AGPAT3: variants seen among roughly 807,000 people sequenced by gnomAD.
The protein encoded by AGPAT3 is 1-acylglycerol-3-phosphate O-acyltransferase 3.
In AGPAT3, 5 loss-of-function variants were observed where a neutral mutation model predicts 47.3. The observed-to-expected ratio is 0.11, with a 90% CI of 0.06 to 0.22. The LOEUF is 0.22. Among genes scored for constraint, AGPAT3 ranks in the 10% least tolerant of loss-of-function variants. The pLI is 1.00. For missense variants in AGPAT3, 315 were observed against 493.0 expected, an observed-to-expected ratio of 0.64 and a Z score of 3.42; for synonymous variants, 212 against 208.3, an observed-to-expected ratio of 1.02 and a Z score of -0.15.
At chr21:43,951,096 G>A (rs868078183) in intron 2 of AGPAT3, among the ~76,000 whole-genome samples, 4 of 152,188 alleles carry the variant, frequency 2.6e-5, no homozygotes, top group Non-Finnish European at 5.9e-5. Context: ...CCAAGAGCCC[G>A]GGGCTCACCG....
intron 2 of AGPAT3, among the ~76,000 whole-genome samples, chr21:43,957,044 G>A (rs1457293171): frequency 2.0e-5 from 3 of 152,166 alleles, no homozygotes; most frequent in Non-Finnish European, 4.4e-5. Flanking sequence ...TTGTCCCCAC[G>A]GTTTCTGGGG....
At chr21:43,943,651 G>C (rs1190748283) in intron 2 of AGPAT3, among the ~76,000 whole-genome samples, 1 of 152,120 alleles carries the variant, frequency 6.6e-6, no homozygotes, top group African/African-American at 2.4e-5. Flanking sequence ...GGTTCCCTGC[G>C]CCTGGCCTGC....
In AGPAT3 at chr21:43,920,281, T is replaced by C. The variant is rs2086863146; in HGVS notation, c.-49+16262T>C. 6.6e-6 allele frequency among the ~76,000 whole-genome samples: 1 copy of C among 151,954 alleles called. No individual in the cohort carries two copies. Among genetic ancestry groups the C allele is most frequent in the Admixed American group, 6.6e-5 (1 of 15,248 alleles). ...TGTGTGTAAAGCGTGAATGTGTCAG[T>C]GTGAGAGTGTGTGTGTGCGTGTGAG... is the stretch of plus-strand genomic sequence containing the variant. On this transcript the variant is annotated intron_variant, in intron 2 of 9. Transcript: ENST00000291572. The surrounding 1 kb of genome is among the most constrained non-coding windows in gnomAD (Gnocchi z 6.1).
rs2089343793 is a variant in AGPAT3, at chr21:43,970,382, G to T, written c.511-271G>T. ...GTTTTCACACTGCTCAGAGGCTGCT[G>T]CCCCAACACACCTTCATGTTTCACT... is the stretch of plus-strand genomic sequence containing the variant. On this transcript the variant is annotated intron_variant, in intron 5 of 9. Transcript: ENST00000291572. The surrounding 1 kb of genome is among the most constrained non-coding windows in gnomAD (Gnocchi z 5.8). Among the ~76,000 whole-genome samples the T allele has an allele frequency of 6.6e-6, 1 of 152,216 alleles. No homozygotes were observed. The highest frequency in any genetic ancestry group is 2.4e-5 in the African/African-American group (1 of 41,464).
intron 7 of AGPAT3, among the ~76,000 whole-genome samples, chr21:43,973,296 C>T (rs77504864): frequency 0.086 from 13,120 of 152,308 alleles, 603 homozygotes; most frequent in Middle Eastern, 0.11. Flanking sequence ...CTGACCGGGG[C>T]CCTGGACGGT....
intron 4 of AGPAT3, 117 bp downstream of exon 4, chr21:43,968,232 TGG>T (rs1257090780): frequency 2.9e-6 from 1 of 343,476 alleles, no homozygotes; most frequent in African/African-American, 6.8e-5. Flanking sequence ...GGGCTGGGGG[TGG>T]GGTGGTGACT....
chr21:43,926,838 G>C (rs774942470), intron 2 of AGPAT3, among the ~76,000 whole-genome samples: 1 of 151,602 alleles, frequency 6.6e-6, no homozygotes, highest in African/African-American at 2.4e-5. Flanking sequence ...GAGCATACCT[G>C]TGATCCCAGC....
chr21:43,900,338 T>G (rs968358279), intron 1 of AGPAT3, among the ~76,000 whole-genome samples: 2 of 152,164 alleles, frequency 1.3e-5, no homozygotes, highest in Non-Finnish European at 2.9e-5. Context: ...CAGCCTACCT[T>G]AATCAACCAG....
chr21:43,942,601 A>AATTC (rs1423567412), intron 2 of AGPAT3, among the ~76,000 whole-genome samples: 2 of 152,202 alleles, frequency 1.3e-5, no homozygotes, highest in Non-Finnish European at 2.9e-5. Flanking sequence ...TCCACATGAA[A>AATTC]AGAGCAGCTT....
At chr21:43,964,764 C>T (rs2089043871) in intron 3 of AGPAT3, among the ~76,000 whole-genome samples, 4 of 152,034 alleles carry the variant, frequency 2.6e-5, no homozygotes, top group Admixed American at 1.3e-4. Flanking sequence ...GCTGGGCTTG[C>T]GTGGGTATGT....
intron 1 of AGPAT3, among the ~76,000 whole-genome samples, chr21:43,898,206 G>A (rs1053579881): frequency 6.6e-6 from 1 of 152,154 alleles, no homozygotes; most frequent in Admixed American, 6.5e-5. Flanking sequence ...TCATTTATTT[G>A]GTTTACTTTA....
At chr21:43,902,270 G>A (rs1311836538) in intron 1 of AGPAT3, among the ~76,000 whole-genome samples, 1 of 152,138 alleles carries the variant, frequency 6.6e-6, no homozygotes, top group East Asian at 1.9e-4. Context: ...GACAATATTG[G>A]ACACCTATCT....
chr21:43,913,953 T>C (rs945534215), intron 2 of AGPAT3, among the ~76,000 whole-genome samples: 13 of 152,228 alleles, frequency 8.5e-5, no homozygotes, highest in African/African-American at 3.1e-4. Flanking sequence ...AGTATTTTTT[T>C]TCCTGTGTCC....
rs928563973 is a variant in AGPAT3, at chr21:43,985,038, G to A, written c.*2646G>A. The A allele has an allele frequency of 6.7e-6, 3 of 447,230 alleles. No individual in the cohort carries two copies. Among genetic ancestry groups the A allele is most frequent in the Admixed American group, 2.4e-5 (1 of 41,092 alleles). The allele number at this position is 447,230 out of a possible 1,614,324, so 27.7% of individuals were successfully genotyped here. A position where few individuals can be genotyped will look rare whatever the true frequency, so the allele number is the denominator to read the frequency against. On this transcript the variant is annotated 3_prime_UTR_variant, in exon 10 of 10. Transcript: ENST00000291572. ...TCCTGTTACCCACCCAGAGCCAGGC[G>A]CCACACTGGAGGCTCCCAGGCGGGA...
chr21:43,912,113 G>GT, intron 2 of AGPAT3, among the ~76,000 whole-genome samples: 1 of 152,372 alleles, frequency 6.6e-6, no homozygotes, highest in East Asian at 1.9e-4. Flanking sequence ...GAGCATTGCC[G>GT]TAAGTGTTCA....
chr21:43,892,251 G>A (rs546839645), intron 1 of AGPAT3, among the ~76,000 whole-genome samples: 5 of 151,594 alleles, frequency 3.3e-5, no homozygotes, highest in African/African-American at 9.7e-5. Context: ...AGGTTGCAGC[G>A]AGCTGAGATC....
chr21:43,973,143 C>T (rs1052686958), intron 7 of AGPAT3, among the ~76,000 whole-genome samples: 25 of 152,256 alleles, frequency 1.6e-4, no homozygotes, highest in African/African-American at 6.0e-4. Flanking sequence ...TTCTGAAGTT[C>T]AAGGACTGGC....
chr21:43,896,438 AGATT>A (rs971977570), intron 1 of AGPAT3, among the ~76,000 whole-genome samples: 122 of 152,358 alleles, frequency 8.0e-4, no homozygotes, highest in Admixed American at 3.8e-3. Flanking sequence ...CATTGTGTGT[AGATT>A]GATTGAATCA....
chr21:43,931,674 G>C (rs1034257151), intron 2 of AGPAT3, among the ~76,000 whole-genome samples: 4 of 152,146 alleles, frequency 2.6e-5, no homozygotes, highest in Non-Finnish European at 5.9e-5. Flanking sequence ...GATTGACACT[G>C]AGCATCCCCA....
Sources: allele counts gnomAD v4.1 joint callset (sites outside exome capture counted in the v4.1 genomes callset), GRCh38; gene constraint gnomAD v4.1.1; non-coding constraint Gnocchi (gnomAD v3.1); transcripts MANE v1.5; gene names NCBI Gene and HGNC (gene_info 2026-07-23, HGNC 2026-07-21).